Variants in TMX2 observed in about 807,000 individuals in gnomAD.
The protein encoded by TMX2 is thioredoxin-related transmembrane protein 2.
In TMX2, 20 loss-of-function variants were observed where a neutral mutation model predicts 33.4. That is an observed-to-expected ratio of 0.60 (90% CI 0.42 to 0.87). TMX2 has a LOEUF of 0.87. TMX2 is among the 40% of genes least tolerant of loss of function. The probability of loss-of-function intolerance (pLI) is 0.00; values close to 1 mark genes in which losing one functional copy is unlikely to be tolerated. For missense variants in TMX2, 340 were observed against 370.7 expected (o/e 0.92, Z 0.68); for synonymous variants, 166 against 140.7 (o/e 1.18, Z -1.27).
chr11:57,727,526 A>C (rs1948084165), intron 1 of TMX2, among the ~76,000 whole-genome samples: 1 of 152,154 alleles, frequency 6.6e-6, no homozygotes, highest in Non-Finnish European at 1.5e-5. Context: ...AAAAACCATA[A>C]ATTCTCATCA....
At chr11:57,721,775 G>T (rs1057439249) in intron 1 of TMX2, among the ~76,000 whole-genome samples, 1 of 152,002 alleles carries the variant, frequency 6.6e-6, no homozygotes, top group Admixed American at 6.6e-5. Flanking sequence ...CTAAGATAGC[G>T]AAAGACTCTT....
At chr11:57,725,999 A>ATTTAT (rs1947952813) in intron 1 of TMX2, among the ~76,000 whole-genome samples, 1 of 152,236 alleles carries the variant, frequency 6.6e-6, no homozygotes, top group African/African-American at 2.4e-5. Flanking sequence ...CTACAGATAC[A>ATTTAT]GATATGTATA....
intron 1 of TMX2, among the ~76,000 whole-genome samples, chr11:57,734,593 C>G (rs1257693526): frequency 6.6e-6 from 1 of 151,144 alleles, no homozygotes; most frequent in Non-Finnish European, 1.5e-5. Context: ...ACTAAAAATA[C>G]AAAAGTTCAC....
chr11:57,712,720 T>C lies in TMX2; in HGVS notation c.102T>C (p.Ala34=). 3 of 1,614,174 alleles carry C rather than the reference T, an allele frequency of 1.9e-6. No individual in the cohort carries two copies. The South Asian group carries it at 3.3e-5, about 18-fold the overall frequency. Residue 34 remains alanine (A), a synonymous_variant, in exon 1 of 8, where the codon GCT becomes GCC. Transcript: ENST00000278422. The part of the protein sequence containing the change: ...PYYLLSALLS[A]AFLLVRKLPP... ...ACCTTCTGTCGGCCCTGCTCTCTGC[T>C]GCCTTCCTACTCGTGAGGAAACTGC...
Position 57,740,262 on chromosome 11 carries a change from G to T in TMX2, c.*17G>T, listed in dbSNP as rs2135670783. On this transcript the variant is annotated 3_prime_UTR_variant, in exon 8 of 8. Coordinates refer to ENST00000278422, the MANE Select transcript of TMX2 (RefSeq NM_015959.4). ...GATAAATAAGATCCTCACTTTGGCA[G>T]TGCTTCCTCTCCTGTCAATTCCAGG... The T allele has an allele frequency of 1.3e-6, 2 of 1,569,578 alleles. No homozygotes were observed. The highest frequency in any genetic ancestry group is 1.2e-5 in the South Asian group (1 of 83,406).
At chr11:57,717,105 G>T (rs1367915407) in intron 1 of TMX2, among the ~76,000 whole-genome samples, 2 of 149,200 alleles carry the variant, frequency 1.3e-5, no homozygotes, top group Non-Finnish European at 2.9e-5. Flanking sequence ...TCAGACGATG[G>T]GCGGCCGGGC....
At chr11:57,736,696 C>T (rs1328130445) in intron 1 of TMX2, among the ~76,000 whole-genome samples, 1 of 151,652 alleles carries the variant, frequency 6.6e-6, no homozygotes, top group Non-Finnish European at 1.5e-5. Flanking sequence ...CATACCAGCC[C>T]GGGCAACATG....
At chr11:57,733,426 T>G (rs1948528150) in intron 1 of TMX2, among the ~76,000 whole-genome samples, 1 of 151,914 alleles carries the variant, frequency 6.6e-6, no homozygotes, top group Non-Finnish European at 1.5e-5. Flanking sequence ...GGCTGACTTT[T>G]TGTGTGTTTT....
intron 1 of TMX2, among the ~76,000 whole-genome samples, chr11:57,731,118 GTTTTTTGTTTTTTTTT>G (rs1361900118): frequency 1.4e-5 from 1 of 71,202 alleles, no homozygotes; most frequent in African/African-American, 4.7e-5. Context: ...TCCGTTTTTT[GTTTTTTGTTTTTTTTT>G]TTTTTTTTTT....
At chr11:57,735,510 C>T (rs1267109443) in intron 1 of TMX2, among the ~76,000 whole-genome samples, 4 of 152,176 alleles carry the variant, frequency 2.6e-5, no homozygotes, top group Non-Finnish European at 4.4e-5. Context: ...AGCACCCGGC[C>T]AGGAGAGCTT....
chr11:57,730,631 G>A (rs1317621231), intron 1 of TMX2, among the ~76,000 whole-genome samples: 1 of 151,542 alleles, frequency 6.6e-6, no homozygotes, highest in African/African-American at 2.4e-5. Flanking sequence ...CCAACTACTC[G>A]GGAGGCTGAC....
intron 1 of TMX2, among the ~76,000 whole-genome samples, chr11:57,715,736 G>A (rs1032881364): frequency 1.3e-5 from 2 of 151,806 alleles, no homozygotes; most frequent in East Asian, 1.9e-4. Flanking sequence ...GCCGCCTTCC[G>A]CAGTGTTTGT....
rs371352745 is a variant in TMX2 at position 57,735,593 on chromosome 11, A to G, written c.190-2015A>G. Among the ~76,000 whole-genome samples, 223 of 152,316 alleles carry G rather than the reference A, an allele frequency of 1.5e-3. 2 individuals carry two copies. Among genetic ancestry groups the G allele is most frequent in the African/African-American group, 4.6e-3 (191 of 41,586 alleles). Reference sequence around the variant, plus strand: ...GAAGCATAGCCTCCGCTCAGAAGCTAAAAACAGACACTTGGAGTGAGGGGT... The same window carrying G: ...GAAGCATAGCCTCCGCTCAGAAGCTGAAAACAGACACTTGGAGTGAGGGGT... On this transcript the variant is annotated intron_variant, in intron 1 of 7. Coordinates refer to ENST00000278422, the MANE Select transcript of TMX2 (RefSeq NM_015959.4).
chr11:57,740,338 C>T lies in TMX2; in HGVS notation c.*93C>T, dbSNP rs1430209681. 7.0e-7 allele frequency: 1 copy of T among 1,421,284 alleles called. No individual in the cohort carries two copies. Among genetic ancestry groups the T allele is most frequent in the Non-Finnish European group, 9.3e-7 (1 of 1,078,132 alleles). 88.0% of individuals were successfully genotyped at this position (1,421,284 alleles called of 1,614,324 possible). ...GCTGCAGCCTTTTATTTATGTTTTC[C>T]CTTTGGCTGTGACTGGGTGGGGCAG... On this transcript the variant is annotated 3_prime_UTR_variant, in exon 8 of 8. Coordinates refer to ENST00000278422, the MANE Select transcript of TMX2 (RefSeq NM_015959.4).
chr11:57,731,666 C>G (rs1262543911), intron 1 of TMX2, among the ~76,000 whole-genome samples: 1 of 152,086 alleles, frequency 6.6e-6, no homozygotes, highest in African/African-American at 2.4e-5. Flanking sequence ...CACTGGACTT[C>G]ACCCAAAAAT....
intron 1 of TMX2, chr11:57,718,197 A>G (rs1212222786): frequency 2.2e-6 from 3 of 1,348,960 alleles, no homozygotes; most frequent in African/African-American, 2.9e-5. Context: ...AGTGTAGATG[A>G]AAAGCTGGGA....
At chr11:57,721,655 T>G (rs1204602789) in intron 1 of TMX2, among the ~76,000 whole-genome samples, 1 of 152,164 alleles carries the variant, frequency 6.6e-6, no homozygotes, top group Non-Finnish European at 1.5e-5. Context: ...CTTAGCGACT[T>G]AAGCCAATAA....
intron 1 of TMX2, among the ~76,000 whole-genome samples, chr11:57,728,169 C>CTT (rs35898776): frequency 2.2e-4 from 33 of 148,854 alleles, no homozygotes; most frequent in African/African-American, 2.7e-4. Context: ...GAGTTTCACT[C>CTT]TTTTTTTTTT....
At position 57,737,481 on chromosome 11, in the gene TMX2, C is replaced by T; in HGVS notation, c.190-127C>T. 9 of 725,042 alleles carry T rather than the reference C, an allele frequency of 1.2e-5. No individual in the cohort carries two copies. In the South Asian group the frequency reaches 1.5e-4, roughly 12 times the overall value. 44.9% of individuals were successfully genotyped at this position (725,042 alleles called of 1,614,324 possible). A position where few individuals can be genotyped will look rare whatever the true frequency, so the allele number is the denominator to read the frequency against. On this transcript the variant is annotated intron_variant, in intron 1 of 7. Transcript: ENST00000278422. The stretch of plus-strand genomic sequence containing the variant: ...TATCCCCGTACACCTTACCTAACTG[C>T]AGTTCTTTATTGTTCCCATTCCCAG...
Sources: allele counts gnomAD v4.1 joint callset (sites outside exome capture counted in the v4.1 genomes callset), GRCh38; gene constraint gnomAD v4.1.1; transcripts MANE v1.5; gene names NCBI Gene and HGNC (gene_info 2026-07-23, HGNC 2026-07-21).